IGFBP4: variants seen among roughly 807,000 people sequenced by gnomAD.
IGFBP4 encodes insulin-like growth factor-binding protein 4.
IGFBP4 carries 9 observed loss-of-function variants against 25.8 expected under a neutral mutation model. The ratio of observed to expected loss-of-function variants is 0.35; its 90% CI spans 0.21 to 0.61. IGFBP4 has a LOEUF of 0.61. Ranked by LOEUF, IGFBP4 falls within the 20% of genes least tolerant of loss-of-function variation. The probability of loss-of-function intolerance (pLI) is 0.77; values close to 1 mark genes in which losing one functional copy is unlikely to be tolerated. For synonymous variants in IGFBP4, 153 were observed against 153.9 expected, an observed-to-expected ratio of 0.99 and a Z score of 0.05; for missense variants, 315 against 365.3, an observed-to-expected ratio of 0.86 and a Z score of 1.12.
intron 1 of IGFBP4, among the ~76,000 whole-genome samples, chr17:40,450,035 G>T (rs2035673552): frequency 6.6e-6 from 1 of 152,148 alleles, no homozygotes; most frequent in African/African-American, 2.4e-5. Context: ...TTGAGACAGG[G>T]TCTCACTTGT....
In IGFBP4 at chr17:40,453,247, TGGGGCG is replaced by T; in HGVS notation, c.507+106_507+111del. The T allele has an allele frequency of 1.2e-6, 1 of 856,754 alleles. No individual in the cohort carries two copies. The highest frequency in any genetic ancestry group is 2.6e-5 in the South Asian group (1 of 38,262). 53.1% of individuals were successfully genotyped at this position (856,754 alleles called of 1,614,324 possible). On this transcript the variant is annotated intron_variant, in intron 2 of 3. Transcript: ENST00000269593. This position sits in a 1 kb window ranked among gnomAD's most constrained non-coding sequence, Gnocchi z 4.0. ...CCACACACACCATCACCACCAGATC[TGGGGCG>T]TGTTCATTCAGCACACATTCTAGGG...
At chr17:40,447,770 C>T (rs576897302) in intron 1 of IGFBP4, among the ~76,000 whole-genome samples, 4 of 152,210 alleles carry the variant, frequency 2.6e-5, no homozygotes, top group Admixed American at 2.6e-4. Flanking sequence ...ACCTGCCTCA[C>T]AGGGTTGGGG....
At chr17:40,447,008 T>C (rs2035651284) in intron 1 of IGFBP4, among the ~76,000 whole-genome samples, 1 of 152,242 alleles carries the variant, frequency 6.6e-6, no homozygotes, top group African/African-American at 2.4e-5. Context: ...AGTAGGCCAC[T>C]GTCTGCTTTA....
At chr17:40,452,241 G>T (rs892845758) in intron 1 of IGFBP4, among the ~76,000 whole-genome samples, 2 of 152,186 alleles carry the variant, frequency 1.3e-5, no homozygotes, top group African/African-American at 4.8e-5. Flanking sequence ...TGGTGCCCTG[G>T]TTCTGGGCAA....
At chr17:40,454,461 G>A (rs989230698) in intron 3 of IGFBP4, among the ~76,000 whole-genome samples, 1 of 152,166 alleles carries the variant, frequency 6.6e-6, no homozygotes, top group Non-Finnish European at 1.5e-5. Flanking sequence ...CACTGAGTGA[G>A]GTTTCTTCTG....
rs189581866 is a variant in IGFBP4 at position 40,455,880 on chromosome 17, A to G, written c.643-569A>G. 2.6e-5 allele frequency among the ~76,000 whole-genome samples: 4 copies of G among 152,264 alleles called. No individual in the cohort carries two copies. In the East Asian group the frequency reaches 5.8e-4, roughly 22 times the overall value. ...CCTTCACTCCAAGATTAATTCTCAC[A>G]CTGAAATATACATTTGCGCCCCCTG... On this transcript the variant is annotated intron_variant, in intron 3 of 3. Transcript: ENST00000269593.
Position 40,453,287 on chromosome 17 carries a change from G to A in IGFBP4, c.507+145G>A. On this transcript the variant is annotated intron_variant, in intron 2 of 3. Transcript: ENST00000269593. This position sits in a 1 kb window ranked among gnomAD's most constrained non-coding sequence, Gnocchi z 4.0. The stretch of plus-strand genomic sequence containing the variant: ...CAGCACACATTCTAGGGTGACTACT[G>A]TGTGCAAGGTGCAACTAGTGTGAGT... The A allele has an allele frequency of 3.7e-6, 2 of 544,810 alleles. No homozygotes were observed. The highest frequency in any genetic ancestry group is 3.0e-6 in the Non-Finnish European group (1 of 338,892). The allele number at this position is 544,810 out of a possible 1,614,324, so 33.7% of individuals were successfully genotyped here. A position where few individuals can be genotyped will look rare whatever the true frequency, so the allele number is the denominator to read the frequency against.
intron 1 of IGFBP4, among the ~76,000 whole-genome samples, chr17:40,448,011 C>T (rs961545816): frequency 7.2e-5 from 11 of 152,244 alleles, no homozygotes; most frequent in Non-Finnish European, 1.3e-4. Context: ...CAGCATGACA[C>T]AGCTGTTGGG....
chr17:40,449,956 A>T (rs1232375600), intron 1 of IGFBP4, among the ~76,000 whole-genome samples: 6 of 152,170 alleles, frequency 3.9e-5, no homozygotes, highest in Non-Finnish European at 7.3e-5. Flanking sequence ...CCTTGAACCA[A>T]AGAATATTCT....
At position 40,444,094 on chromosome 17, in the gene IGFBP4, C is replaced by T. The variant is rs904341170; in HGVS notation, c.349+10C>T. ...AGCCTGCAGCCCTCTGGTAAGGTAC[C>T]CCTGGCCTCCCAATTCCCTCCTGAG... On this transcript the variant is annotated intron_variant, in intron 1 of 3. Coordinates refer to ENST00000269593, the MANE Select transcript of IGFBP4 (RefSeq NM_001552.3). 3 of 1,527,150 alleles carry T rather than the reference C, an allele frequency of 2.0e-6. No individual in the cohort carries two copies. The highest frequency in any genetic ancestry group is 2.6e-6 in the Non-Finnish European group (3 of 1,139,246). 94.6% of individuals were successfully genotyped at this position (1,527,150 alleles called of 1,614,324 possible).
chr17:40,457,602 A>C lies in IGFBP4; in HGVS notation c.*1019A>C, dbSNP rs2035722908. On this transcript the variant is annotated 3_prime_UTR_variant, in exon 4 of 4. Coordinates refer to ENST00000269593, the MANE Select transcript of IGFBP4 (RefSeq NM_001552.3). ...TACACCTCCCTCCCCACACCTCCCT[A>C]CTCCCCTGGGCATCTTCTGGCTTGA... 6.7e-6 allele frequency: 1 copy of C among 149,742 alleles called. No individual in the cohort carries two copies. The highest frequency in any genetic ancestry group is 1.5e-5 in the Non-Finnish European group (1 of 67,490). 9.3% of individuals were successfully genotyped at this position (149,742 alleles called of 1,614,324 possible).
intron 1 of IGFBP4, among the ~76,000 whole-genome samples, chr17:40,449,475 G>A (rs145032566): frequency 8.7e-4 from 132 of 152,160 alleles, no homozygotes; most frequent in African/African-American, 3.1e-3. Context: ...AAGGCCGGGC[G>A]CAATGGCTCA....
rs139363773 is a variant in IGFBP4, at chr17:40,456,581, T to C, written c.775T>C (p.Ter259ArgextTer28). 2.5e-6 allele frequency: 4 copies of C among 1,611,718 alleles called. No individual in the cohort carries two copies. In the African/African-American group the frequency reaches 5.4e-5, roughly 22 times the overall value. Residue 259 changes from the stop codon to arginine (R), a stop_lost, in exon 4 of 4, where the codon TGA becomes CGA. Coordinates refer to ENST00000269593, the MANE Select transcript of IGFBP4 (RefSeq NM_001552.3). The part of the protein sequence containing the change: ...CHQLADSFRE[*>R] ...CCAGCTGGCTGACAGCTTTCGAGAG[T>C]GAGGCCTGCCAGCAGGCCAGGGACT...
At chr17:40,454,095 G>A (rs2035702151) in intron 3 of IGFBP4, 33 bp downstream of exon 3, 3 of 1,601,402 alleles carry the variant, frequency 1.9e-6, no homozygotes, top group East Asian at 4.5e-5. Flanking sequence ...CTTGGCCCTG[G>A]ACTCAGCTCT....
At position 40,454,075 on chromosome 17, in the gene IGFBP4, C is replaced by T. The variant is rs753870168; in HGVS notation, c.642+13C>T. ...CCACCCCAAGCAGGTGGGTCTCTGT[C>T]TCCCGCTGGCTTGGCCCTGGACTCA... is the stretch of plus-strand genomic sequence containing the variant. On this transcript the variant is annotated intron_variant, in intron 3 of 3. Transcript: ENST00000269593. 23 of 1,610,516 alleles carry T rather than the reference C, an allele frequency of 1.4e-5. No individual in the cohort carries two copies. Among genetic ancestry groups the T allele is most frequent in the Non-Finnish European group, 2.0e-5 (23 of 1,178,280 alleles).
At position 40,456,560 on chromosome 17, in the gene IGFBP4, C is replaced by A; in HGVS notation, c.754C>A (p.Leu252Met). ...AAAGGGGGAGCTGGACTGCCACCAG[C>A]TGGCTGACAGCTTTCGAGAGTGAGG... ...EPKGELDCHQLADSFRE is the reference protein window; with the variant it reads ...EPKGELDCHQMADSFRE Residue 252 changes from leucine (L) to methionine (M), a missense_variant, in exon 4 of 4, where the codon CTG becomes ATG. Transcript: ENST00000269593. 6.2e-7 allele frequency: 1 copy of A among 1,613,210 alleles called. No individual in the cohort carries two copies. Among genetic ancestry groups the A allele is most frequent in the Non-Finnish European group, 8.5e-7 (1 of 1,179,828 alleles).
intron 1 of IGFBP4, among the ~76,000 whole-genome samples, chr17:40,448,023 G>T (rs193064973): frequency 1.3e-5 from 2 of 152,346 alleles, no homozygotes; most frequent in East Asian, 3.9e-4. Context: ...GCTGTTGGGG[G>T]TGATACCCCT....
chr17:40,455,647 AATTT>A (rs915083710), intron 3 of IGFBP4, among the ~76,000 whole-genome samples: 1 of 152,020 alleles, frequency 6.6e-6, no homozygotes, highest in Middle Eastern at 3.4e-3. Flanking sequence ...ACACCCGGCT[AATTT>A]TTTGTATTTT....
At position 40,444,926 on chromosome 17, in the gene IGFBP4, CAGAGACAGAGAGAGAGAGAGAG is replaced by C. The variant is rs1402106650; in HGVS notation, c.349+848_349+869del. ...ACACACACACACACACACACACACA[CAGAGACAGAGAGAGAGAGAGAG>C]AGAGAGAGAGAGAGAGAGAGAGAGA... On this transcript the variant is annotated intron_variant, in intron 1 of 3. Coordinates refer to ENST00000269593, the MANE Select transcript of IGFBP4 (RefSeq NM_001552.3). Among the ~76,000 whole-genome samples the C allele has an allele frequency of 1.6e-3, 100 of 62,776 alleles. 1 individual carries two copies. The highest frequency in any genetic ancestry group is 8.1e-3 in the Middle Eastern group (1 of 124). 41.2% of individuals were successfully genotyped at this position (62,776 alleles called of 152,430 possible). A position where few individuals can be genotyped will look rare whatever the true frequency, so the allele number is the denominator to read the frequency against.
Sources: gnomAD v4.1 joint callset for allele counts (sites outside exome capture counted in the v4.1 genomes callset) on GRCh38, gnomAD v4.1.1 for gene constraint, Gnocchi (gnomAD v3.1) non-coding constraint, MANE v1.5 for transcripts, NCBI Gene and HGNC (gene_info 2026-07-23, HGNC 2026-07-21) for gene names.